The following LMTK3 variants were observed in gnomAD, a reference collection of about 807,000 sequenced individuals.
LMTK3 encodes serine/threonine-protein kinase LMTK3.
Under a neutral mutation model 116.7 loss-of-function variants are expected in LMTK3, and 27 were observed. The observed-to-expected ratio is 0.23, with a 90% CI of 0.17 to 0.32. The LOEUF is 0.32. Ranked by LOEUF, LMTK3 falls within the 10% of genes least tolerant of loss-of-function variation. The pLI is 1.00. For synonymous variants in LMTK3, 965 were observed against 971.0 expected, an observed-to-expected ratio of 0.99 and a Z score of 0.11; for missense variants, 1,764 against 2,068.5, an observed-to-expected ratio of 0.85 and a Z score of 2.86.
In LMTK3 at chr19:48,511,635, G is replaced by GGGGGGGGGGGGGGGGGGGGGGGGGGGGC; in HGVS notation, c.-60_-59insGCCCCCCCCCCCCCCCCCCCCCCCCCCC. The GGGGGGGGGGGGGGGGGGGGGGGGGGGGC allele has an allele frequency of 2.1e-6, 1 of 478,650 alleles. No individual in the cohort carries two copies. Among genetic ancestry groups the GGGGGGGGGGGGGGGGGGGGGGGGGGGGC allele is most frequent in the South Asian group, 3.2e-5 (1 of 30,846 alleles). 29.7% of individuals were successfully genotyped at this position (478,650 alleles called of 1,614,324 possible). A position where few individuals can be genotyped will look rare whatever the true frequency, so the allele number is the denominator to read the frequency against. Reference sequence around the variant, plus strand: ...GCGGCTGGGGAGGAGGGGGGGGCGGGCCCTCAGCCCCCAGCCATGGGGACC... The same window carrying GGGGGGGGGGGGGGGGGGGGGGGGGGGGC: ...GCGGCTGGGGAGGAGGGGGGGGCGGGGGGGGGGGGGGGGGGGGGGGGGGGGGGCCCCTCAGCCCCCAGCCATGGGGACC... On this transcript the variant is annotated 5_prime_UTR_variant, in exon 1 of 15. Coordinates refer to ENST00000600059, the MANE Select transcript of LMTK3 (RefSeq NM_001388485.1).
Position 48,491,880 on chromosome 19 carries a change from C to G in LMTK3, c.4093-341G>C, listed in dbSNP as rs1485918357. On this transcript the variant is annotated intron_variant, in intron 12 of 14. Transcript: ENST00000600059. The surrounding 1 kb of genome is among the most constrained non-coding windows in gnomAD (Gnocchi z 5.1). ...CGATCTCCATAAGCCCCACCCCGTC[C>G]ACGTCAGTCCCACCCACCTCTGAGA... Among the ~76,000 whole-genome samples the G allele has an allele frequency of 6.6e-6, 1 of 152,112 alleles. No homozygotes were observed. The highest frequency in any genetic ancestry group is 1.5e-5 in the Non-Finnish European group (1 of 68,020).
intron 6 of LMTK3, 84 bp from the exon 7 acceptor site, chr19:48,502,665 G>A: frequency 7.0e-7 from 1 of 1,429,850 alleles, no homozygotes; most frequent in East Asian, 2.4e-5. Context: ...GGCTTCTGCT[G>A]TCACTGGGTA....
rs1174494790 is a variant in LMTK3, at chr19:48,510,521, G to A, written c.148C>T (p.Leu50=). ...GTGAGGAGGAGGAAGATGAAGGCCA[G>A]CAGGCCGGAGCAGGAAATGAGGACC... The part of the protein sequence containing the change: ...AVVLISCSGL[L]AFIFLLLTCL... The change falls in exon 2 of 15, where the codon CTG becomes TTG. Residue 50 remains leucine, a synonymous_variant. Transcript: ENST00000600059. The A allele has an allele frequency of 1.9e-6, 3 of 1,598,394 alleles. No homozygotes were observed. Among genetic ancestry groups the A allele is most frequent in the East Asian group, 4.5e-5 (2 of 44,330 alleles).
Position 48,502,320 on chromosome 19 carries a change from T to C in LMTK3, c.794+113A>G, listed in dbSNP as rs1972485121. On this transcript the variant is annotated intron_variant, in intron 7 of 14. Coordinates refer to ENST00000600059, the MANE Select transcript of LMTK3 (RefSeq NM_001388485.1). ...CTCCATACCCTCCTCGGTTCGTCCC[T>C]ATTTTGTGTCAGCCAGTCATGGGTC... is the stretch of plus-strand genomic sequence containing the variant. 22 of 1,302,968 alleles carry C rather than the reference T, an allele frequency of 1.7e-5. No homozygotes were observed. In the South Asian group the frequency reaches 3.1e-4, roughly 18 times the overall value. 80.7% of individuals were successfully genotyped at this position (1,302,968 alleles called of 1,614,324 possible).
chr19:48,499,154 C>T lies in LMTK3; in HGVS notation c.1915G>A (p.Glu639Lys), dbSNP rs762945001. The T allele has an allele frequency of 6.5e-7, 1 of 1,533,120 alleles. No homozygotes were observed. Among genetic ancestry groups the T allele is most frequent in the South Asian group, 1.2e-5 (1 of 81,686 alleles). The allele number at this position is 1,533,120 out of a possible 1,614,324, so 95.0% of individuals were successfully genotyped here. A position where few individuals can be genotyped will look rare whatever the true frequency, so the allele number is the denominator to read the frequency against. ...CCCTCCTCCTCCTCCTCTTCTTCTT[C>T]CACCCACGGGGCGGTCCCCCGCTCC... ...LGERGTAPWV[E>K]EEEEEEEGSS... Residue 639 changes from glutamate (E) to lysine (K), a missense_variant, in exon 11 of 15, where the codon GAA (glutamate) becomes AAA (lysine). Physicochemically the swap from Glu to Lys is moderately conservative, Grantham distance 56. Coordinates refer to ENST00000600059, the MANE Select transcript of LMTK3 (RefSeq NM_001388485.1).
At position 48,511,504 on chromosome 19, in the gene LMTK3, G is replaced by A. The variant is rs1333884268; in HGVS notation, c.73C>T (p.Pro25Ser). Reference sequence around the variant, plus strand: ...ACTGATGGCCCGACAGACTCACCGGGGTGGGCCGGGGACGCCAGGCAGCCG... The same window carrying A: ...ACTGATGGCCCGACAGACTCACCGGAGTGGGCCGGGGACGCCAGGCAGCCG... The part of the protein sequence containing the change: ...ASGCLASPAH[P>S]DGFALGRAPL... Residue 25 changes from proline to serine, a missense_variant, in exon 1 of 15, where the codon CCC (proline) becomes TCC (serine). Around this residue, in one of 7 missense-constraint regions of LMTK3, gnomAD observed 66 missense variants for 61.1 expected, o/e 1.08. Coordinates refer to ENST00000600059, the MANE Select transcript of LMTK3 (RefSeq NM_001388485.1). The A allele has an allele frequency of 7.2e-6, 10 of 1,382,904 alleles. No individual in the cohort carries two copies. The Middle Eastern group carries it at 8.2e-4, about 114-fold the overall frequency. 85.7% of individuals were successfully genotyped at this position (1,382,904 alleles called of 1,614,324 possible).
At chr19:48,509,751 G>T (rs762816437) in intron 3 of LMTK3, among the ~76,000 whole-genome samples, 2 of 152,002 alleles carry the variant, frequency 1.3e-5, no homozygotes, top group African/African-American at 2.4e-5. Flanking sequence ...GCCTCCCATT[G>T]GCTGCCTCTG....
chr19:48,488,064 A>G (rs886829426), intron 14 of LMTK3, among the ~76,000 whole-genome samples: 1 of 152,048 alleles, frequency 6.6e-6, no homozygotes, highest in Admixed American at 6.5e-5. Context: ...GAGCGAAAGG[A>G]TTTGGGGTTT....
chr19:48,510,280 G>A (rs1342275019), intron 2 of LMTK3, 107 bp from the exon 3 acceptor site: 38 of 1,433,370 alleles, frequency 2.7e-5, no homozygotes, highest in Non-Finnish European at 3.5e-5. Context: ...CTGTCTCCCA[G>A]TCCCAGCCCA....
intron 3 of LMTK3, 55 bp downstream of exon 3, chr19:48,509,968 T>C (rs541104611): frequency 1.3e-6 from 2 of 1,595,506 alleles, no homozygotes; most frequent in Non-Finnish European, 8.6e-7. Context: ...ACACTCAACA[T>C]CTTCTGGCCT....
intron 14 of LMTK3, among the ~76,000 whole-genome samples, chr19:48,489,915 G>C (rs1391756762): frequency 6.6e-6 from 1 of 152,184 alleles, no homozygotes; most frequent in South Asian, 2.1e-4. Flanking sequence ...CCTGGGTCCT[G>C]GGGGTGTTCC....
chr19:48,513,383 C>T (rs1404233597), upstream of LMTK3: 1 of 599,968 alleles, frequency 1.7e-6, no homozygotes, highest in Non-Finnish European at 3.0e-6. The surrounding 1 kb of genome is among the most constrained non-coding windows in gnomAD (Gnocchi z 5.6). Context: ...GGGGTAGTCA[C>T]CTGCCCCAAG....
Position 48,493,891 on chromosome 19 carries a change from C to CCGCCGCCGCGCCCGG in LMTK3, c.3880_3894dup (p.Pro1294_Ala1298dup), listed in dbSNP as rs1156828396. On this transcript the variant is annotated inframe_insertion, in exon 12 of 15. Transcript: ENST00000600059. ...CGCGCCCTCCCGGGGCCCCGCGGCC[C>CCGCCGCCGCGCCCGG]CGCCGCCGCGCCCGGCGCCGCCGCC... The CCGCCGCCGCGCCCGG allele has an allele frequency of 4.7e-6, 5 of 1,062,150 alleles. No individual in the cohort carries two copies. The highest frequency in any genetic ancestry group is 5.7e-6 in the Non-Finnish European group (5 of 882,710). 65.8% of individuals were successfully genotyped at this position (1,062,150 alleles called of 1,614,324 possible).
chr19:48,512,704 C>T (rs891497469), upstream of LMTK3, among the ~76,000 whole-genome samples: 1 of 152,046 alleles, frequency 6.6e-6, no homozygotes, highest in East Asian at 1.9e-4. Flanking sequence ...ATGCATCACT[C>T]ACACGGACAC....
intron 5 of LMTK3, 75 bp from the exon 6 acceptor site, chr19:48,503,071 C>A: frequency 1.2e-6 from 1 of 836,358 alleles, no homozygotes; most frequent in Non-Finnish European, 2.0e-6. Flanking sequence ...CCAGCAGAAC[C>A]AAACTGCTGC....
chr19:48,485,811 A>G (rs1396823935), intron 14 of LMTK3, 22 bp from the exon 15 acceptor site: 15 of 1,603,634 alleles, frequency 9.4e-6, no homozygotes, highest in Non-Finnish European at 1.3e-5. Context: ...CAGAGGAGAC[A>G]GAGAAATGAA....
intron 4 of LMTK3, 92 bp downstream of exon 4, chr19:48,509,345 G>A (rs1972619908): frequency 1.3e-5 from 16 of 1,206,306 alleles, no homozygotes; most frequent in South Asian, 1.2e-4. Context: ...GCGAGGGACA[G>A]ATGAGAAGTG....
rs1972661879 is a variant in LMTK3 at position 48,511,561 on chromosome 19, C to T, written c.16G>A (p.Ala6Thr). 1.4e-6 allele frequency: 2 copies of T among 1,420,136 alleles called. No homozygotes were observed. The highest frequency in any genetic ancestry group is 1.9e-6 in the Non-Finnish European group (2 of 1,072,104). 88.0% of individuals were successfully genotyped at this position (1,420,136 alleles called of 1,614,324 possible). The change falls in exon 1 of 15, where the codon GCC becomes ACC. Residue 6 changes from alanine (A) to threonine (T), a missense_variant. Coordinates refer to ENST00000600059, the MANE Select transcript of LMTK3 (RefSeq NM_001388485.1). ...GAGACGGCCGCAAGGAGGATGAGGG[C>T]GCCGGGGGCAGGCATCTTGTCGAGG... MPAPG[A>T]LILLAAVSAS... is the part of the protein sequence containing the mutation.
At position 48,491,227 on chromosome 19, in the gene LMTK3, G is replaced by A. The variant is rs1353646983; in HGVS notation, c.4247C>T (p.Ala1416Val). 2.8e-6 allele frequency: 4 copies of A among 1,408,970 alleles called. No homozygotes were observed. The highest frequency in any genetic ancestry group is 1.5e-5 in the African/African-American group (1 of 66,608). 87.3% of individuals were successfully genotyped at this position (1,408,970 alleles called of 1,614,324 possible). A position where few individuals can be genotyped will look rare whatever the true frequency, so the allele number is the denominator to read the frequency against. The change falls in exon 14 of 15, where the codon GCG (alanine) becomes GTG (valine). Residue 1416 changes from alanine (A) to valine (V), a missense_variant. Physicochemically the swap from Ala to Val is moderately conservative, Grantham distance 64 (BLOSUM62 0). Transcript: ENST00000600059. The surrounding 1 kb of genome is among the most constrained non-coding windows in gnomAD (Gnocchi z 5.1). ...DSGFGGSFEWAEDFPLLPPPG... is the reference protein window; with the variant it reads ...DSGFGGSFEWVEDFPLLPPPG... Reference sequence around the variant, plus strand: ...AGGGGGGAGGAGGGGGAAATCCTCCGCCCACTCGAAACTGCCTCCTGCGGC... The same window carrying A: ...AGGGGGGAGGAGGGGGAAATCCTCCACCCACTCGAAACTGCCTCCTGCGGC...
Sources: gnomAD v4.1 joint callset for allele counts (sites outside exome capture counted in the v4.1 genomes callset) on GRCh38, gnomAD v4.1.1 for gene constraint, gnomAD v4.1.1 regional missense constraint, Gnocchi (gnomAD v3.1) non-coding constraint, MANE v1.5 for transcripts, NCBI Gene and HGNC (gene_info 2026-07-23, HGNC 2026-07-21) for gene names.